CNBD1: variants seen among roughly 807,000 people sequenced by gnomAD.
CNBD1 encodes the protein cyclic nucleotide binding domain containing 1.
Under a neutral mutation model 54.4 loss-of-function variants are expected in CNBD1, and 71 were observed. The observed-to-expected ratio is 1.30, with a 90% CI of 1.08 to 1.59. The LOEUF is 1.59. CNBD1 is among the 40% of genes most tolerant of loss of function. The pLI is 0.00. For synonymous variants in CNBD1, 182 were observed against 170.7 expected, an observed-to-expected ratio of 1.07 and a Z score of -0.51; for missense variants, 659 against 518.0, an observed-to-expected ratio of 1.27 and a Z score of -2.64.
At position 86,920,790 on chromosome 8, in the gene CNBD1, T is replaced by C. The variant is rs114351137; in HGVS notation, c.272+15596T>C. Reference sequence around the variant, plus strand: ...CATCCCAATTGCTCGAATTAAAGAATTTTACTGAGAATTTTACTTCTGGAT... The same window carrying C: ...CATCCCAATTGCTCGAATTAAAGAACTTTACTGAGAATTTTACTTCTGGAT... On this transcript the variant is annotated intron_variant, in intron 3 of 10. Transcript: ENST00000518476. Among the ~76,000 whole-genome samples, 409 of 152,246 alleles carry C rather than the reference T, an allele frequency of 2.7e-3. 3 individuals are homozygous for C. The highest frequency in any genetic ancestry group is 9.4e-3 in the African/African-American group (390 of 41,526).
chr8:87,366,896 G>A (rs143081061), intron 10 of CNBD1, among the ~76,000 whole-genome samples: 3 of 152,214 alleles, frequency 2.0e-5, no homozygotes, highest in African/African-American at 7.2e-5. Context: ...GTGTTTGACA[G>A]TTGTTTCAAG....
intron 6 of CNBD1, among the ~76,000 whole-genome samples, chr8:87,282,493 A>T (rs115413051): frequency 0.019 from 2,813 of 151,842 alleles, 74 homozygotes; most frequent in African/African-American, 0.064. Context: ...TTTCAAGTAA[A>T]TAAAGAATTC....
At chr8:87,324,852 A>T (rs1809634258) in intron 8 of CNBD1, among the ~76,000 whole-genome samples, 1 of 111,530 alleles carries the variant, frequency 9.0e-6, no homozygotes, top group South Asian at 2.4e-4. Flanking sequence ...TAGCTTTTGA[A>T]TGTGTTTGCT....
chr8:87,321,283 G>T (rs62526761), intron 8 of CNBD1, among the ~76,000 whole-genome samples: 2 of 151,976 alleles, frequency 1.3e-5, no homozygotes, highest in Non-Finnish European at 2.9e-5. Flanking sequence ...GCAACATTTC[G>T]CATTATCACC....
At chr8:86,873,034 T>C (rs1808462791) in intron 1 of CNBD1, among the ~76,000 whole-genome samples, 1 of 152,024 alleles carries the variant, frequency 6.6e-6, no homozygotes. Context: ...GCTACGATCA[T>C]GCTACTGCAC....
intron 8 of CNBD1, among the ~76,000 whole-genome samples, chr8:87,298,365 T>C (rs1808920525): frequency 6.6e-6 from 1 of 152,134 alleles, no homozygotes; most frequent in African/African-American, 2.4e-5. Context: ...ACTTAAGGTA[T>C]CCTTCTCTGC....
intron 4 of CNBD1, among the ~76,000 whole-genome samples, chr8:86,940,132 C>CTTTTTTTTCTT (rs1554632387): frequency 1.1e-5 from 1 of 88,730 alleles, no homozygotes; most frequent in African/African-American, 4.6e-5. Context: ...CCACATGTTA[C>CTTTTTTTTCTT]TTTTTTTTTT....
At chr8:87,374,475 G>A (rs1810883622) in intron 10 of CNBD1, among the ~76,000 whole-genome samples, 1 of 151,764 alleles carries the variant, frequency 6.6e-6, no homozygotes, top group Non-Finnish European at 1.5e-5. Flanking sequence ...TATTACTGAG[G>A]ATTTTCATTT....
chr8:87,011,018 T>G (rs1809209114), intron 4 of CNBD1, among the ~76,000 whole-genome samples: 1 of 152,172 alleles, frequency 6.6e-6, no homozygotes, highest in Admixed American at 6.5e-5. Context: ...GATTTAATTC[T>G]TTTCTGGCAG....
chr8:87,090,535 C>T (rs994492438), intron 4 of CNBD1, among the ~76,000 whole-genome samples: 2 of 152,138 alleles, frequency 1.3e-5, no homozygotes, highest in Non-Finnish European at 2.9e-5. Context: ...TCTACAACAG[C>T]ATTCTTAACT....
chr8:87,265,124 A>G (rs1016951222), intron 6 of CNBD1, among the ~76,000 whole-genome samples: 4 of 152,048 alleles, frequency 2.6e-5, no homozygotes, highest in Non-Finnish European at 4.4e-5. Flanking sequence ...TAGGGTTTTT[A>G]TGGTTTTAGG....
At chr8:87,275,911 T>C (rs908583942) in intron 6 of CNBD1, among the ~76,000 whole-genome samples, 4 of 151,204 alleles carry the variant, frequency 2.6e-5, no homozygotes, top group African/African-American at 7.3e-5. Flanking sequence ...AAATCACAAG[T>C]ATTCTTATAC....
intron 4 of CNBD1, among the ~76,000 whole-genome samples, chr8:87,188,603 G>A (rs1224239362): frequency 6.6e-6 from 1 of 151,856 alleles, no homozygotes; most frequent in South Asian, 2.1e-4. Flanking sequence ...GCAGGTGCCT[G>A]TAATCCCAGC....
intron 5 of CNBD1, among the ~76,000 whole-genome samples, chr8:87,219,719 A>G (rs1462390376): frequency 6.6e-6 from 1 of 152,022 alleles, no homozygotes; most frequent in Non-Finnish European, 1.5e-5. Flanking sequence ...AAACTGTTCA[A>G]TATTTATTGT....
chr8:86,988,847 G>A (rs1234940321), intron 4 of CNBD1, among the ~76,000 whole-genome samples: 1 of 152,094 alleles, frequency 6.6e-6, no homozygotes, highest in Non-Finnish European at 1.5e-5. Flanking sequence ...GAAAACGACA[G>A]GATCTCATCC....
At chr8:87,089,436 C>T (rs1275705013) in intron 4 of CNBD1, among the ~76,000 whole-genome samples, 1 of 151,914 alleles carries the variant, frequency 6.6e-6, no homozygotes, top group East Asian at 1.9e-4. Context: ...AGTTCTGGCA[C>T]CAGAAAATGG....
chr8:87,067,238 A>T (rs1450170879), intron 4 of CNBD1, among the ~76,000 whole-genome samples: 1 of 151,898 alleles, frequency 6.6e-6, no homozygotes, highest in Non-Finnish European at 1.5e-5. Flanking sequence ...ATTTGACCAT[A>T]TTTTTTTCCA....
intron 4 of CNBD1, among the ~76,000 whole-genome samples, chr8:87,067,254 T>G (rs879803068): frequency 6.6e-6 from 1 of 151,878 alleles, no homozygotes; most frequent in Non-Finnish European, 1.5e-5. Flanking sequence ...TTCCAGCAAA[T>G]AAACTTGGAA....
At chr8:87,015,578 C>G (rs1382910384) in intron 4 of CNBD1, among the ~76,000 whole-genome samples, 1 of 152,120 alleles carries the variant, frequency 6.6e-6, no homozygotes, top group Non-Finnish European at 1.5e-5. Context: ...TAAAGCACTA[C>G]TCTCTTTTAA....
Sources: allele counts gnomAD v4.1 joint callset (sites outside exome capture counted in the v4.1 genomes callset), GRCh38; gene constraint gnomAD v4.1.1; transcripts MANE v1.5; gene names NCBI Gene and HGNC (gene_info 2026-07-23, HGNC 2026-07-21).